RANBP2: variants seen among roughly 807,000 people sequenced by gnomAD.
The protein encoded by RANBP2 is E3 SUMO-protein ligase RanBP2.
A neutral mutation model predicts 303.6 loss-of-function variants in RANBP2; 57 were observed. The observed-to-expected ratio is 0.19, with a 90% CI of 0.15 to 0.23. The LOEUF is 0.23. Ranked by LOEUF, RANBP2 falls within the 10% of genes least tolerant of loss-of-function variation. The probability of loss-of-function intolerance (pLI) is 1.00; values close to 1 mark genes in which losing one functional copy is unlikely to be tolerated. For missense variants in RANBP2, 3,138 were observed against 3,780.8 expected (o/e 0.83, Z 4.46); for synonymous variants, 1,167 against 1,301.5 (o/e 0.90, Z 2.23).
At chr2:109,424,242 C>T in the RANBP2 span, among the ~76,000 whole-genome samples, 3 of 152,166 alleles carry the variant, frequency 2.0e-5, no homozygotes, top group Non-Finnish European at 4.4e-5. Flanking sequence ...AGTGAGCCAG[C>T]GCTGGCTTCA....
At chr2:109,388,383 CAGATTGCCTGGCAG>C in the RANBP2 span, among the ~76,000 whole-genome samples, 465 of 152,296 alleles carry the variant, frequency 3.1e-3, 1 homozygote, top group African/African-American at 0.011. Flanking sequence ...CCACCTGCCA[CAGATTGCCTGGCAG>C]AGCTCACAAC....
chr2:108,750,259 C>T (rs1414394439), intron 9 of RANBP2, among the ~76,000 whole-genome samples: 2 of 152,280 alleles, frequency 1.3e-5, no homozygotes, highest in South Asian at 2.1e-4. Flanking sequence ...TTCTCTCCCA[C>T]AGTCTCTGTA....
the RANBP2 span, among the ~76,000 whole-genome samples, chr2:109,559,496 C>T: frequency 1.3e-5 from 2 of 152,194 alleles, no homozygotes; most frequent in Non-Finnish European, 2.9e-5. Flanking sequence ...ATTTCCCCTT[C>T]TTTGTGTGAT....
At chr2:109,618,711 G>T in the RANBP2 span, 7,513 of 167,004 alleles carry the variant, frequency 0.045, 182 homozygotes, top group South Asian at 0.077. Context: ...CAGATACTTA[G>T]ATGTTTATTG....
chr2:109,178,140 C>G, the RANBP2 span, among the ~76,000 whole-genome samples: 399 of 152,308 alleles, frequency 2.6e-3, no homozygotes, highest in Non-Finnish European at 2.8e-3. Flanking sequence ...ATACAACAAA[C>G]CTACCCTTTC....
At chr2:109,600,027 A>T in the RANBP2 span, among the ~76,000 whole-genome samples, 1 of 152,158 alleles carries the variant, frequency 6.6e-6, no homozygotes, top group Non-Finnish European at 1.5e-5. Context: ...CAGCTTGCTG[A>T]CCGTCTCCAC....
the RANBP2 span, among the ~76,000 whole-genome samples, chr2:109,623,989 A>G: frequency 2.0e-5 from 3 of 152,256 alleles, no homozygotes; most frequent in South Asian, 4.2e-4. Flanking sequence ...TAATTTTACA[A>G]CAACGTGATA....
chr2:109,582,152 G>A, the RANBP2 span, among the ~76,000 whole-genome samples: 2 of 151,292 alleles, frequency 1.3e-5, no homozygotes, highest in Non-Finnish European at 2.9e-5. Flanking sequence ...ATCTAACCAA[G>A]GAGGTGAAAG....
chr2:109,681,654 G>T, the RANBP2 span, among the ~76,000 whole-genome samples: 1 of 152,216 alleles, frequency 6.6e-6, no homozygotes, highest in African/African-American at 2.4e-5. Context: ...AGCATAAGGG[G>T]GAGGCAGGGC....
Position 108,772,872 on chromosome 2 carries a change from T to C in RANBP2, c.8118T>C (p.Asn2706=), listed in dbSNP as rs1256942818. The C allele has an allele frequency of 1.9e-6, 3 of 1,613,650 alleles. No homozygotes were observed. The African/African-American group carries it at 4.0e-5, about 22-fold the overall frequency. ...TGTGTTGTACTGATTTTTCAGATAA[T>C]GAGAAAGAATGTATTATTGTTTGGG... ...CRPLEENTAD[N]EKECIIVWEK... is the part of the protein sequence containing the mutation. The change falls in exon 23 of 29, where the codon AAT becomes AAC. Residue 2706 remains asparagine, a synonymous_variant. Coordinates refer to ENST00000283195, the MANE Select transcript of RANBP2 (RefSeq NM_006267.5).
At chr2:109,084,968 C>T in the RANBP2 span, among the ~76,000 whole-genome samples, 1 of 152,180 alleles carries the variant, frequency 6.6e-6, no homozygotes, top group Admixed American at 6.5e-5. Flanking sequence ...CTGTTGATAA[C>T]ACCTGAGCCT....
At chr2:109,352,891 G>T in the RANBP2 span, among the ~76,000 whole-genome samples, 2 of 152,248 alleles carry the variant, frequency 1.3e-5, no homozygotes, top group African/African-American at 4.8e-5. Context: ...ACAGATAACC[G>T]TTTTGATTTG....
At chr2:109,222,973 A>G in the RANBP2 span, among the ~76,000 whole-genome samples, 4 of 152,292 alleles carry the variant, frequency 2.6e-5, no homozygotes, top group Admixed American at 2.6e-4. Context: ...CTCTCCCATC[A>G]ACAGGGTCTG....
chr2:108,731,638 C>T (rs1316939689), intron 4 of RANBP2, 164 bp downstream of exon 4: 1 of 1,318,914 alleles, frequency 7.6e-7, no homozygotes, highest in African/African-American at 1.5e-5. Flanking sequence ...CATCTACTGT[C>T]TTATTAGGCA....
At chr2:109,436,381 G>C in the RANBP2 span, among the ~76,000 whole-genome samples, 1,525 of 152,300 alleles carry the variant, frequency 0.01, 31 homozygotes, top group African/African-American at 0.035. Context: ...TCTATTTCTG[G>C]TATGGAACTG....
the RANBP2 span, among the ~76,000 whole-genome samples, chr2:109,582,110 A>T: frequency 0.042 from 5,681 of 134,928 alleles, 153 homozygotes; most frequent in Non-Finnish European, 0.064. Context: ...ACACACACAC[A>T]CACTCACTCT....
the RANBP2 span, among the ~76,000 whole-genome samples, chr2:108,956,787 T>C: frequency 6.8e-3 from 856 of 126,768 alleles, 3 homozygotes; most frequent in Non-Finnish European, 9.4e-3. Context: ...AAGCTCTCTT[T>C]TTTTTTTTGT....
At chr2:109,695,955 C>T in the RANBP2 span, among the ~76,000 whole-genome samples, 3 of 151,746 alleles carry the variant, frequency 2.0e-5, no homozygotes, top group African/African-American at 7.3e-5. Context: ...TCTTCCCCTC[C>T]TCCTCTCTCA....
At chr2:109,060,102 A>G in the RANBP2 span, among the ~76,000 whole-genome samples, 18,913 of 152,142 alleles carry the variant, frequency 0.12, 1,310 homozygotes, top group Middle Eastern at 0.19. Context: ...AATACTTAGG[A>G]TACTTTGCAG....
Sources: gnomAD v4.1 joint callset for allele counts (sites outside exome capture counted in the v4.1 genomes callset) on GRCh38, gnomAD v4.1.1 for gene constraint, MANE v1.5 for transcripts, NCBI Gene and HGNC (gene_info 2026-07-23, HGNC 2026-07-21) for gene names.